CDC42BPA: variants seen among roughly 807,000 people sequenced by gnomAD.
The protein encoded by CDC42BPA is serine/threonine-protein kinase MRCK alpha.
In CDC42BPA, 80 loss-of-function variants were observed where a neutral mutation model predicts 223.5. The observed-to-expected ratio is 0.36, with a 90% CI of 0.30 to 0.43. The LOEUF (loss-of-function observed/expected upper bound fraction) is 0.43, where lower values mean the gene tolerates loss of function less well. Ranked by LOEUF, CDC42BPA falls within the 20% of genes least tolerant of loss-of-function variation. The pLI is 1.00. For synonymous variants in CDC42BPA, 694 were observed against 718.6 expected (o/e 0.97, Z 0.55); for missense variants, 1,743 against 2,099.9 (o/e 0.83, Z 3.32).
At position 227,147,516 on chromosome 1, in the gene CDC42BPA, G is replaced by A; in HGVS notation, c.737C>T (p.Pro246Leu). ...ATCTTCCATGGCTTGAAGGATTTCAGGAGAGATATAATCTGGAGTTCCTAC... is the reference window on the plus strand; with the variant it reads ...ATCTTCCATGGCTTGAAGGATTTCAAGAGAGATATAATCTGGAGTTCCTAC... ...VAVGTPDYIS[P>L]EILQAMEDGK... Residue 246 changes from proline (P) to leucine (L), a missense_variant, in exon 7 of 37, where the codon CCT becomes CTT. Pro to Leu is a moderately conservative substitution (Grantham distance 98, BLOSUM62 -3). Transcript: ENST00000366766. 6.2e-7 allele frequency: 1 copy of A among 1,612,536 alleles called. No individual in the cohort carries two copies.
chr1:227,126,259 A>T (rs1229779107), intron 11 of CDC42BPA, among the ~76,000 whole-genome samples: 1 of 152,170 alleles, frequency 6.6e-6, no homozygotes, highest in Non-Finnish European at 1.5e-5. Flanking sequence ...GCCACGTGCC[A>T]CAAGGTAAGT....
intron 35 of CDC42BPA, among the ~76,000 whole-genome samples, chr1:227,000,349 A>G (rs1423827909): frequency 6.6e-6 from 1 of 152,172 alleles, no homozygotes; most frequent in Non-Finnish European, 1.5e-5. Flanking sequence ...ATTGAACGCC[A>G]TAAAATATTT....
chr1:227,304,264 G>A (rs974241411), intron 1 of CDC42BPA, among the ~76,000 whole-genome samples: 2 of 152,110 alleles, frequency 1.3e-5, no homozygotes, highest in African/African-American at 4.8e-5. Context: ...AAATCAGCCA[G>A]GCATAGTAGC....
chr1:227,214,120 C>T (rs1195454094), intron 2 of CDC42BPA, among the ~76,000 whole-genome samples: 1 of 151,378 alleles, frequency 6.6e-6, no homozygotes, highest in Non-Finnish European at 1.5e-5. Flanking sequence ...CTCTAATATG[C>T]AGAAAGGGAG....
At chr1:227,216,123 T>C (rs1674791654) in intron 2 of CDC42BPA, among the ~76,000 whole-genome samples, 1 of 133,088 alleles carries the variant, frequency 7.5e-6, no homozygotes, top group African/African-American at 2.8e-5. Context: ...TCTCTCTCTA[T>C]ATATATATAT....
intron 16 of CDC42BPA, among the ~76,000 whole-genome samples, chr1:227,085,782 T>A (rs1681742977): frequency 6.6e-6 from 1 of 152,230 alleles, no homozygotes; most frequent in African/African-American, 2.4e-5. Context: ...TACCTTAGGG[T>A]GTGCCATTTG....
intron 5 of CDC42BPA, chr1:227,183,343 C>T (rs1427594498): frequency 1.3e-5 from 2 of 152,144 alleles, no homozygotes; most frequent in Non-Finnish European, 1.5e-5. Context: ...TCTACTTACT[C>T]CCCCATTCAT....
intron 21 of CDC42BPA, among the ~76,000 whole-genome samples, chr1:227,057,017 T>C (rs907287498): frequency 1.3e-5 from 2 of 152,188 alleles, no homozygotes; most frequent in Non-Finnish European, 2.9e-5. Flanking sequence ...ATTTTCAATA[T>C]ACTGATTGGA....
intron 5 of CDC42BPA, among the ~76,000 whole-genome samples, chr1:227,162,864 A>G (rs1421849094): frequency 0.031 from 819 of 26,150 alleles, 8 homozygotes; most frequent in African/African-American, 0.15. Flanking sequence ...TAAAATAAAT[A>G]TATATGTGTG....
At chr1:227,164,688 GCA>G (rs1446134682) in intron 5 of CDC42BPA, among the ~76,000 whole-genome samples, 2 of 151,700 alleles carry the variant, frequency 1.3e-5, no homozygotes, top group African/African-American at 4.8e-5. Context: ...GCGCATGAGC[GCA>G]CACACACGTG....
intron 24 of CDC42BPA, among the ~76,000 whole-genome samples, chr1:227,037,543 T>C (rs895381980): frequency 2.6e-5 from 4 of 152,234 alleles, no homozygotes; most frequent in Non-Finnish European, 5.9e-5. Flanking sequence ...TAAGATGTTA[T>C]TAATTTCCCT....
chr1:227,194,164 G>C (rs1350995572), intron 4 of CDC42BPA, among the ~76,000 whole-genome samples: 1 of 151,876 alleles, frequency 6.6e-6, no homozygotes, highest in Admixed American at 6.6e-5. Flanking sequence ...AACAACACAG[G>C]GTTACCATTG....
At chr1:227,142,487 T>C (rs186631008) in intron 9 of CDC42BPA, among the ~76,000 whole-genome samples, 25 of 152,376 alleles carry the variant, frequency 1.6e-4, no homozygotes, top group Admixed American at 1.1e-3. Flanking sequence ...CTATTCATTT[T>C]GTAATGCTTA....
Position 227,051,867 on chromosome 1 carries a change from C to G in CDC42BPA, c.3009+14G>C, listed in dbSNP as rs764281531. 5.4e-5 allele frequency: 72 copies of G among 1,344,648 alleles called. 2 individuals carry two copies. The South Asian group carries it at 8.1e-4, about 15-fold the overall frequency. 83.3% of individuals were successfully genotyped at this position (1,344,648 alleles called of 1,614,324 possible). The stretch of plus-strand genomic sequence containing the variant: ...AGTGAAAAGTTGGGGAGCAGGGATG[C>G]TCCAATAAGGCACCTTAACTGGCTC... On this transcript the variant is annotated intron_variant, in intron 22 of 36. Coordinates refer to ENST00000366766, the MANE Select transcript of CDC42BPA (RefSeq NM_001394014.1).
chr1:227,253,434 A>G (rs1682452665), intron 2 of CDC42BPA, among the ~76,000 whole-genome samples: 1 of 152,168 alleles, frequency 6.6e-6, no homozygotes, highest in Admixed American at 6.5e-5. Flanking sequence ...CAACTTGACT[A>G]AAAATACAAA....
chr1:227,171,459 A>G lies in CDC42BPA; in HGVS notation c.600-10823T>C, dbSNP rs1379740866. On this transcript the variant is annotated intron_variant, in intron 5 of 36. Transcript: ENST00000366766. ...AACCTCATCGCTACAAAAACTACAA[A>G]AATTAGCCAAGAATAGTGGTCCACG... 2.0e-5 allele frequency among the ~76,000 whole-genome samples: 3 copies of G among 152,164 alleles called. No homozygotes were observed. In the East Asian group the frequency reaches 5.8e-4, roughly 29 times the overall value.
Position 227,112,380 on chromosome 1 carries a change from C to G in CDC42BPA, c.1933G>C (p.Asp645His). 1 of 1,606,924 alleles carries G rather than the reference C, an allele frequency of 6.2e-7. No individual in the cohort carries two copies. The highest frequency in any genetic ancestry group is 8.5e-7 in the Non-Finnish European group (1 of 1,176,878). Residue 645 changes from aspartate (D) to histidine (H), a missense_variant, in exon 14 of 37, where the codon GAC (aspartate) becomes CAC (histidine). Asp to His is a moderately conservative substitution (Grantham distance 81). Coordinates refer to ENST00000366766, the MANE Select transcript of CDC42BPA (RefSeq NM_001394014.1). ...TEALAAEASK[D>H]RKLREQSEHY... is the part of the protein sequence containing the mutation. ...TCACTCTGTTCACGTAGCTTCCTGT[C>G]TTTAGATGCTTCAGCAGCTAGAGCT... is the stretch of plus-strand genomic sequence containing the variant.
intron 5 of CDC42BPA, among the ~76,000 whole-genome samples, chr1:227,170,347 T>C (rs1202716167): frequency 6.6e-6 from 1 of 151,908 alleles, no homozygotes; most frequent in African/African-American, 2.4e-5. Flanking sequence ...GTGTGAGCCA[T>C]CTTGACAGTG....
At chr1:227,177,952 A>G (rs1283646642) in intron 5 of CDC42BPA, among the ~76,000 whole-genome samples, 3 of 151,772 alleles carry the variant, frequency 2.0e-5, no homozygotes, top group African/African-American at 7.3e-5. Context: ...TTTTTTTTCC[A>G]ATACTGTATT....
Sources: allele counts gnomAD v4.1 joint callset (sites outside exome capture counted in the v4.1 genomes callset), GRCh38; gene constraint gnomAD v4.1.1; transcripts MANE v1.5; gene names NCBI Gene and HGNC (gene_info 2026-07-23, HGNC 2026-07-21).